Variants in KIFAP3 observed in about 807,000 individuals in gnomAD.
The protein encoded by KIFAP3 is kinesin associated protein 3.
KIFAP3 carries 68 observed loss-of-function variants against 106.5 expected under a neutral mutation model. The ratio of observed to expected loss-of-function variants is 0.64; its 90% CI spans 0.53 to 0.78. KIFAP3 has a LOEUF of 0.78. Among genes scored for constraint, KIFAP3 ranks in the 30% least tolerant of loss-of-function variants. KIFAP3 has a pLI of 0.00. For missense variants in KIFAP3, 780 were observed against 941.8 expected (o/e 0.83, Z 2.25); for synonymous variants, 320 against 311.5 (o/e 1.03, Z -0.29).
At chr1:169,939,974 T>C (rs77102562) in intron 19 of KIFAP3, among the ~76,000 whole-genome samples, 3,585 of 152,264 alleles carry the variant, frequency 0.024, 77 homozygotes, top group Middle Eastern at 0.078. Context: ...GAATATGATG[T>C]GGGGCCAAAG....
At chr1:169,999,168 C>T (rs1667535610) in intron 10 of KIFAP3, among the ~76,000 whole-genome samples, 1 of 152,042 alleles carries the variant, frequency 6.6e-6, no homozygotes, top group Admixed American at 6.6e-5. Context: ...CTTCTTCATT[C>T]ACTGAAAGAA....
chr1:170,012,344 T>C (rs12144599), intron 10 of KIFAP3, among the ~76,000 whole-genome samples: 9,586 of 152,158 alleles, frequency 0.063, 382 homozygotes, highest in Non-Finnish European at 0.095. Context: ...TAATAAATTA[T>C]CTTCAGACTT....
chr1:169,945,691 CTCT>C (rs1399587302), intron 19 of KIFAP3, among the ~76,000 whole-genome samples: 1 of 152,192 alleles, frequency 6.6e-6, no homozygotes, highest in Non-Finnish European at 1.5e-5. Context: ...GTCACAACTT[CTCT>C]TGTTTCTAAA....
intron 3 of KIFAP3, among the ~76,000 whole-genome samples, chr1:170,042,931 T>C (rs1670056427): frequency 6.6e-6 from 1 of 152,220 alleles, no homozygotes; most frequent in Non-Finnish European, 1.5e-5. Context: ...TTTTAGCCAT[T>C]ATAGGTAACA....
chr1:169,959,787 A>G (rs562262398), intron 18 of KIFAP3, among the ~76,000 whole-genome samples: 2 of 152,236 alleles, frequency 1.3e-5, no homozygotes, highest in East Asian at 3.9e-4. Context: ...AAAAATTCAC[A>G]TCATATATAT....
intron 3 of KIFAP3, among the ~76,000 whole-genome samples, chr1:170,043,604 A>G (rs889455386): frequency 2.6e-5 from 4 of 152,210 alleles, no homozygotes; most frequent in Admixed American, 2.6e-4. Context: ...AGAAAATATT[A>G]GGTTAGTTAA....
chr1:170,061,902 C>G (rs1671176898), intron 1 of KIFAP3, among the ~76,000 whole-genome samples: 1 of 152,168 alleles, frequency 6.6e-6, no homozygotes, highest in African/African-American at 2.4e-5. Flanking sequence ...TCTGAGCAAA[C>G]TGTCGCAAGG....
chr1:170,030,740 A>C lies in KIFAP3; in HGVS notation c.841+1146T>G, dbSNP rs186570876. On this transcript the variant is annotated intron_variant, in intron 8 of 19. Transcript: ENST00000361580. ...TATAAAACTCTAGAAAATGCAAACT[A>C]AGCTAAAGTGACAGAAAGCAGATCA... 3.9e-5 allele frequency among the ~76,000 whole-genome samples: 6 copies of C among 151,940 alleles called. No homozygotes were observed. In the East Asian group the frequency reaches 1.2e-3, roughly 29 times the overall value.
At chr1:169,976,843 G>A (rs992637529) in intron 16 of KIFAP3, among the ~76,000 whole-genome samples, 1 of 151,930 alleles carries the variant, frequency 6.6e-6, no homozygotes, top group Non-Finnish European at 1.5e-5. Flanking sequence ...TCGGTGTCCC[G>A]AGTAGCTGGG....
At chr1:170,074,254 AC>A (rs374979694) in intron 1 of KIFAP3, among the ~76,000 whole-genome samples, 181 bp downstream of exon 1, 1 of 151,330 alleles carries the variant, frequency 6.6e-6, no homozygotes, top group Non-Finnish European at 1.5e-5. Flanking sequence ...GGACTTTGAA[AC>A]CCCCCCAGAG....
chr1:169,957,678 T>C (rs1275594311), intron 18 of KIFAP3, among the ~76,000 whole-genome samples: 2 of 152,008 alleles, frequency 1.3e-5, no homozygotes, highest in East Asian at 3.9e-4. Context: ...CCCAGGCTGG[T>C]GTGCAGTGGT....
chr1:170,007,636 A>G (rs577123811), intron 10 of KIFAP3, among the ~76,000 whole-genome samples: 15 of 152,266 alleles, frequency 9.9e-5, no homozygotes, highest in Non-Finnish European at 1.8e-4. Context: ...AAACAAATGG[A>G]AAAACATTCC....
intron 1 of KIFAP3, among the ~76,000 whole-genome samples, chr1:170,065,087 T>C (rs557998519): frequency 6.6e-6 from 1 of 152,338 alleles, no homozygotes; most frequent in Admixed American, 6.5e-5. Context: ...AATTTGACTT[T>C]AAAACTGTCT....
In KIFAP3 at chr1:169,992,601, T is replaced by G. The variant is rs549651738; in HGVS notation, c.1184-346A>C. Among the ~76,000 whole-genome samples, 4 of 152,292 alleles carry G rather than the reference T, an allele frequency of 2.6e-5. No homozygotes were observed. The South Asian group carries it at 8.3e-4, about 32-fold the overall frequency. ...TTTATCAAAATATGTGATTAATACATTCATTGACAGTGGTGATGTTTAGAT... is the reference window on the plus strand; with the variant it reads ...TTTATCAAAATATGTGATTAATACAGTCATTGACAGTGGTGATGTTTAGAT... On this transcript the variant is annotated intron_variant, in intron 10 of 19. Coordinates refer to ENST00000361580, the MANE Select transcript of KIFAP3 (RefSeq NM_014970.4).
intron 1 of KIFAP3, among the ~76,000 whole-genome samples, chr1:170,057,800 A>G (rs1449732306): frequency 6.6e-6 from 1 of 152,076 alleles, no homozygotes; most frequent in Non-Finnish European, 1.5e-5. Flanking sequence ...AAATTAATGA[A>G]TTTCTATTTG....
In KIFAP3 at chr1:170,016,333, T is replaced by G. The variant is rs975236555; in HGVS notation, c.1183+129A>C. On this transcript the variant is annotated intron_variant, in intron 10 of 19. Transcript: ENST00000361580. ...TTTTACTTACTCTGCTTATTTTTAT[T>G]ATTTAGTTTCCAGTCAAAGAATATA... 1.6e-5 allele frequency: 11 copies of G among 670,952 alleles called. No individual in the cohort carries two copies. The African/African-American group carries it at 1.7e-4, about 11-fold the overall frequency. 41.6% of individuals were successfully genotyped at this position (670,952 alleles called of 1,614,324 possible).
intron 19 of KIFAP3, among the ~76,000 whole-genome samples, chr1:169,942,525 A>G (rs1664181376): frequency 6.6e-6 from 1 of 152,238 alleles, no homozygotes; most frequent in African/African-American, 2.4e-5. Flanking sequence ...AACAAGATTA[A>G]ACTGATTGTG....
intron 19 of KIFAP3, among the ~76,000 whole-genome samples, chr1:169,925,952 T>C (rs1663109639): frequency 6.6e-6 from 1 of 152,172 alleles, no homozygotes; most frequent in Non-Finnish European, 1.5e-5. Flanking sequence ...AATATCAATG[T>C]AGAGCAAGTA....
intron 3 of KIFAP3, among the ~76,000 whole-genome samples, chr1:170,043,754 G>A (rs142385992): frequency 6.6e-6 from 1 of 152,118 alleles, no homozygotes; most frequent in Admixed American, 6.5e-5. Flanking sequence ...AAAGGGGAGA[G>A]TCATGGGTCT....
Sources: gnomAD v4.1 joint callset for allele counts (sites outside exome capture counted in the v4.1 genomes callset) on GRCh38, gnomAD v4.1.1 for gene constraint, MANE v1.5 for transcripts, NCBI Gene and HGNC (gene_info 2026-07-23, HGNC 2026-07-21) for gene names.